The following FAT1 variants were observed in gnomAD, a reference collection of about 807,000 sequenced individuals.
FAT1 encodes the protein protocadherin Fat 1.
In FAT1, 171 loss-of-function variants were observed where a neutral mutation model predicts 329.8. That is an observed-to-expected ratio of 0.52 (90% CI 0.46 to 0.59). FAT1 has a LOEUF of 0.59. FAT1 is among the 20% of genes least tolerant of loss of function. The pLI, the probability that FAT1 is intolerant of heterozygous loss-of-function variation, is 0.00. For missense variants in FAT1, 5,672 were observed against 5,774.4 expected (o/e 0.98, Z 0.57); for synonymous variants, 2,233 against 2,228.6 (o/e 1.00, Z -0.06).
At chr4:186,608,472 C>G (rs956065362) in intron 16 of FAT1, among the ~76,000 whole-genome samples, 1 of 152,090 alleles carries the variant, frequency 6.6e-6, no homozygotes, top group African/African-American at 2.4e-5. Context: ...TCTTCAACTC[C>G]TGGGCTCAGT....
chr4:186,675,340 C>T (rs1296555672), intron 2 of FAT1, among the ~76,000 whole-genome samples: 4 of 151,668 alleles, frequency 2.6e-5, no homozygotes, highest in South Asian at 4.2e-4. Flanking sequence ...TGGTGGTGTG[C>T]CCTGTAGTAC....
intron 7 of FAT1, among the ~76,000 whole-genome samples, chr4:186,631,053 C>T (rs902763716): frequency 5.3e-5 from 8 of 152,272 alleles, no homozygotes; most frequent in Admixed American, 6.5e-5. Context: ...ACTGTCCTGC[C>T]GCCTACCTCT....
intron 3 of FAT1, among the ~76,000 whole-genome samples, chr4:186,650,928 G>C (rs1333452336): frequency 6.6e-6 from 1 of 152,032 alleles, no homozygotes; most frequent in Non-Finnish European, 1.5e-5. Context: ...GGAAAACAGA[G>C]AGGGCAACAC....
intron 15 of FAT1, 101 bp from the exon 16 acceptor site, chr4:186,609,421 G>GTT: frequency 7.2e-7 from 1 of 1,380,768 alleles, no homozygotes. Context: ...TCTTTTTGTT[G>GTT]TTGTTTTTTT....
At chr4:186,634,386 C>T (rs1280689002) in intron 6 of FAT1, among the ~76,000 whole-genome samples, 2 of 151,818 alleles carry the variant, frequency 1.3e-5, no homozygotes, top group African/African-American at 4.8e-5. Flanking sequence ...TAATATTATC[C>T]AAATATTTTT....
chr4:186,659,083 C>G (rs1373792703), intron 3 of FAT1, among the ~76,000 whole-genome samples: 1 of 152,190 alleles, frequency 6.6e-6, no homozygotes, highest in African/African-American at 2.4e-5. Context: ...TTTACTGCAC[C>G]TTTTCTACAT....
chr4:186,628,892 C>T (rs967212354), intron 7 of FAT1, 129 bp from the exon 8 acceptor site: 3 of 843,004 alleles, frequency 3.6e-6, no homozygotes, highest in Non-Finnish European at 5.4e-6. Context: ...AGAAAGGCAA[C>T]AAAAACCTAG....
Position 186,628,481 on chromosome 4 carries a change from C to T in FAT1, c.4599+7G>A, listed in dbSNP as rs751227976. 3.2e-5 allele frequency: 52 copies of T among 1,613,690 alleles called. No individual in the cohort carries two copies. The highest frequency in any genetic ancestry group is 3.2e-4 in the South Asian group (29 of 91,054). On this transcript the variant is annotated splice_region_variant and intron_variant, in intron 8 of 26. Coordinates refer to ENST00000441802, the MANE Select transcript of FAT1 (RefSeq NM_005245.4). ...AATGGTGGGAGGAGAGCGGGTAGAG[C>T]GCCTACCATGACCGTGAGGGTGTGC...
intron 12 of FAT1, 83 bp from the exon 13 acceptor site, chr4:186,613,425 T>C: frequency 9.7e-7 from 1 of 1,034,276 alleles, no homozygotes; most frequent in South Asian, 1.4e-5. Context: ...CTTTTGTCTT[T>C]CAATTACTTA....
intron 1 of FAT1, among the ~76,000 whole-genome samples, chr4:186,718,075 T>A (rs555969537): frequency 6.6e-6 from 1 of 152,194 alleles, no homozygotes; most frequent in Admixed American, 6.5e-5. Context: ...ATACGTTGAA[T>A]TGGGCTCCCT....
rs1370921595 is a variant in FAT1 at position 186,598,051 on chromosome 4, G to A, written c.12178C>T (p.Pro4060Ser). 8 of 1,613,782 alleles carry A rather than the reference G, an allele frequency of 5.0e-6. No homozygotes were observed. The Admixed American group carries it at 1.0e-4, about 20-fold the overall frequency. Reference protein sequence around the residue: ...EISVNPCSSKPCLYGGTCVVD... With the variant: ...EISVNPCSSKSCLYGGTCVVD... ...ACACACGTGCCCCCATAGAGGCATG[G>A]CTTGGAGGAACACGGATTGACGCTT... Residue 4060 changes from proline (P) to serine (S), a missense_variant, in exon 23 of 27, where the codon CCA becomes TCA. Pro to Ser is a moderately conservative substitution (Grantham distance 74). Around this residue, in one of 2 missense-constraint regions of FAT1, gnomAD observed 1,706 missense variants for 1,859.1 expected, o/e 0.92. Coordinates refer to ENST00000441802, the MANE Select transcript of FAT1 (RefSeq NM_005245.4).
rs73873659 is a variant in FAT1 at position 186,609,968 on chromosome 4, A to G, written c.9901T>C (p.Tyr3301His). Residue 3301 changes from tyrosine to histidine, a missense_variant, in exon 15 of 27, where the codon TAT becomes CAT. This residue lies in a region of FAT1 where 1,706 missense variants were observed against 1,859.1 expected (regional missense o/e 0.92). Transcript: ENST00000441802. ...ENLDYESSHE[Y>H]YLTVEATDGG... ...TCAGTGGCCTCTACTGTTAGGTAAT[A>G]CTCATGAGAGCTCTCATAATCCAGA... 3,142 of 1,613,564 alleles carry G rather than the reference A, an allele frequency of 1.9e-3. 58 individuals carry two copies. The African/African-American group carries it at 0.036, about 18-fold the overall frequency.
chr4:186,713,075 AG>A lies in FAT1; in HGVS notation c.-18-3231del, dbSNP rs143964679. 9.0e-3 allele frequency among the ~76,000 whole-genome samples: 1,375 copies of A among 151,994 alleles called. 19 individuals are homozygous for A. Among genetic ancestry groups the A allele is most frequent in the African/African-American group, 0.032 (1,308 of 41,422 alleles). The stretch of plus-strand genomic sequence containing the variant: ...TCCCCTACTGTTAACATCTCACTTT[AG>A]TACATTATACTAGATACAACTAACA... On this transcript the variant is annotated intron_variant, in intron 1 of 26. Coordinates refer to ENST00000441802, the MANE Select transcript of FAT1 (RefSeq NM_005245.4).
At chr4:186,650,972 G>A (rs1431017590) in intron 3 of FAT1, among the ~76,000 whole-genome samples, 1 of 151,752 alleles carries the variant, frequency 6.6e-6, no homozygotes, top group Non-Finnish European at 1.5e-5. Flanking sequence ...GCACGGAAAA[G>A]AGAGGGCAAC....
intron 1 of FAT1, among the ~76,000 whole-genome samples, chr4:186,714,943 T>C (rs1745139434): frequency 6.6e-6 from 1 of 151,864 alleles, no homozygotes. Context: ...CTGGGTGCGG[T>C]GGTGTGCGCC....
chr4:186,654,811 C>T (rs1036474310), intron 3 of FAT1, among the ~76,000 whole-genome samples: 7 of 151,200 alleles, frequency 4.6e-5, no homozygotes, highest in Non-Finnish European at 1.0e-4. Context: ...TTCAGGAGAC[C>T]GAGGAAGGAA....
intron 3 of FAT1, among the ~76,000 whole-genome samples, chr4:186,649,743 C>A (rs919182358): frequency 6.6e-6 from 1 of 152,080 alleles, no homozygotes; most frequent in African/African-American, 2.4e-5. Flanking sequence ...ACAGAATCCA[C>A]CTCTGTCGTT....
rs1181931981 is a variant in FAT1, at chr4:186,617,730, T to A, written c.8856A>T (p.Arg2952Ser). 1 of 1,578,726 alleles carries A rather than the reference T, an allele frequency of 6.3e-7. No homozygotes were observed. The highest frequency in any genetic ancestry group is 8.6e-7 in the Non-Finnish European group (1 of 1,162,700). ...TACCTGTTATGAAATATGTAACTTG[T>A]CTGTTGATCTCTTCAGAATCAGCAT... ...TTDADSEEIN[R>S]QVTYFITGGD... is the part of the protein sequence containing the mutation. Residue 2952 changes from arginine (R) to serine (S), a missense_variant, in exon 10 of 27, where the codon AGA becomes AGT. Arg to Ser is a moderately radical substitution (Grantham distance 110). Coordinates refer to ENST00000441802, the MANE Select transcript of FAT1 (RefSeq NM_005245.4).
intron 1 of FAT1, among the ~76,000 whole-genome samples, chr4:186,713,135 T>C (rs1405895348): frequency 2.7e-5 from 4 of 148,058 alleles, no homozygotes; most frequent in Non-Finnish European, 4.4e-5. Flanking sequence ...CTACAGTCCA[T>C]ACTTCACTCA....
Sources: allele counts gnomAD v4.1 joint callset (sites outside exome capture counted in the v4.1 genomes callset), GRCh38; gene constraint gnomAD v4.1.1; regional missense constraint gnomAD v4.1.1; transcripts MANE v1.5; gene names NCBI Gene and HGNC (gene_info 2026-07-23, HGNC 2026-07-21).